MYLK3: variants seen among roughly 807,000 people sequenced by gnomAD.
MYLK3 encodes the protein myosin light chain kinase 3, also known as MLC kinase.
A neutral mutation model predicts 76.3 loss-of-function variants in MYLK3; 55 were observed. That is an observed-to-expected ratio of 0.72 (90% confidence interval 0.58 to 0.90). MYLK3 has a LOEUF of 0.90. Ranked by LOEUF, MYLK3 falls within the 40% of genes least tolerant of loss-of-function variation. The probability of loss-of-function intolerance (pLI) is 0.00; values close to 1 mark genes in which losing one functional copy is unlikely to be tolerated. For missense variants in MYLK3, 973 were observed against 1,053.6 expected, an observed-to-expected ratio of 0.92 and a Z score of 1.06; for synonymous variants, 416 against 425.4, an observed-to-expected ratio of 0.98 and a Z score of 0.27.
At chr16:46,708,858 C>G (rs1178211276) in intron 12 of MYLK3, among the ~76,000 whole-genome samples, 1 of 152,116 alleles carries the variant, frequency 6.6e-6, no homozygotes, top group Non-Finnish European at 1.5e-5. Flanking sequence ...GTTTAACAGG[C>G]CTTTCTTATC....
In MYLK3 at chr16:46,721,121, A is replaced by C; in HGVS notation, c.1985+2T>G. On this transcript the variant is annotated splice_donor_variant, in intron 9 of 12. Transcript: ENST00000394809. LOFTEE classifies it high-confidence loss of function. ...TAAGGTATCTAAATAAAACCCCCTT[A>C]CCTTCTGGCCAGCCCAAAGTCAATG... The C allele has an allele frequency of 6.2e-7, 1 of 1,613,918 alleles. No individual in the cohort carries two copies. Among genetic ancestry groups the C allele is most frequent in the Non-Finnish European group, 8.5e-7 (1 of 1,179,776 alleles).
rs188523384 is a variant in MYLK3, at chr16:46,728,995, G to A, written c.1772+29C>T. ...CCAGCACTGAGCCCTGGCTTGAGCC[G>A]AGGCGGCCGCCCCGCCTCTGATACT... On this transcript the variant is annotated intron_variant, in intron 7 of 12. Transcript: ENST00000394809. The A allele has an allele frequency of 1.1e-4, 167 of 1,561,450 alleles. 2 individuals carry two copies. Among genetic ancestry groups the A allele is most frequent in the South Asian group, 8.1e-4 (73 of 90,018 alleles).
chr16:46,754,423 T>C (rs1967171036), intron 1 of MYLK3, among the ~76,000 whole-genome samples: 1 of 152,160 alleles, frequency 6.6e-6, no homozygotes, highest in South Asian at 2.1e-4. Context: ...AGCAACTGGA[T>C]CACGAGGTCC....
Position 46,737,685 on chromosome 16 carries a change from A to G in MYLK3, c.1001+26T>C, listed in dbSNP as rs746863243. ...GGGGCCACAGTCCATCCCCTCCCTC[A>G]CCCAGCCTGGAAGAGCTCCCCTTAC... On this transcript the variant is annotated intron_variant, in intron 3 of 12. Coordinates refer to ENST00000394809, the MANE Select transcript of MYLK3 (RefSeq NM_182493.3). The G allele has an allele frequency of 1.8e-5, 28 of 1,569,706 alleles. No individual in the cohort carries two copies. The East Asian group carries it at 2.7e-4, about 15-fold the overall frequency.
chr16:46,725,435 C>T (rs1966839064), intron 8 of MYLK3, among the ~76,000 whole-genome samples: 1 of 152,192 alleles, frequency 6.6e-6, no homozygotes, highest in African/African-American at 2.4e-5. Flanking sequence ...TGGCCGTTAT[C>T]AGGTTGAGGA....
intron 8 of MYLK3, among the ~76,000 whole-genome samples, 189 bp from the exon 9 acceptor site, chr16:46,721,382 G>A (rs1304328519): frequency 1.3e-5 from 2 of 152,148 alleles, no homozygotes; most frequent in African/African-American, 4.8e-5. Context: ...GGTGTAGAGT[G>A]TGGGGAACTG....
At chr16:46,713,713 C>T (rs117560996) in intron 9 of MYLK3, among the ~76,000 whole-genome samples, 1,540 of 152,302 alleles carry the variant, frequency 0.01, 11 homozygotes, top group Non-Finnish European at 0.015. Context: ...AATATTGTAT[C>T]CTTTGGCAGA....
At chr16:46,736,006 G>A (rs1311015581) in intron 3 of MYLK3, among the ~76,000 whole-genome samples, 1 of 151,982 alleles carries the variant, frequency 6.6e-6, no homozygotes, top group Admixed American at 6.6e-5. Flanking sequence ...GGGTTTGTTT[G>A]TTGTTGTTGT....
chr16:46,758,220 TATACACACACACACTGCC>T (rs1306243662), intron 1 of MYLK3, among the ~76,000 whole-genome samples: 3 of 150,168 alleles, frequency 2.0e-5, no homozygotes, highest in Admixed American at 6.6e-5. Context: ...GAGACCAAGC[TATACACACACACACTGCC>T]ATACACACAC....
chr16:46,727,837 G>A (rs1179293283), intron 7 of MYLK3, among the ~76,000 whole-genome samples: 1 of 152,166 alleles, frequency 6.6e-6, no homozygotes, highest in East Asian at 1.9e-4. Flanking sequence ...TGCCATTGGG[G>A]TTTTATTGGG....
At position 46,732,550 on chromosome 16, in the gene MYLK3, C is replaced by T. The variant is rs776930306; in HGVS notation, c.1120G>A (p.Gly374Ser). The T allele has an allele frequency of 1.2e-6, 2 of 1,601,272 alleles. No individual in the cohort carries two copies. The highest frequency in any genetic ancestry group is 1.7e-5 in the Admixed American group (1 of 59,982). Residue 374 changes from glycine (G) to serine (S), a missense_variant, in exon 4 of 13, where the codon GGC (glycine) becomes AGC (serine). Gly to Ser is a moderately conservative substitution (Grantham distance 56). Around this residue, in one of 2 missense-constraint regions of MYLK3, gnomAD observed 641 missense variants for 637.0 expected, o/e 1.01. Transcript: ENST00000394809. ...AGGCAGCGCCCGGTCCCAGGTGGGC[C>T]CTGCTTGCCTGGCTGGGCAGCTGCT... ...APAAAQPGKQGPPGTGRCLQA... is the reference protein window; with the variant it reads ...APAAAQPGKQSPPGTGRCLQA...
At chr16:46,713,015 T>C (rs1966700190) in intron 9 of MYLK3, among the ~76,000 whole-genome samples, 1 of 152,102 alleles carries the variant, frequency 6.6e-6, no homozygotes, top group Admixed American at 6.6e-5. Flanking sequence ...CTCCAGGCAT[T>C]TGCTTCTTTC....
chr16:46,726,742 G>GAAA, intron 8 of MYLK3: 2 of 136,278 alleles, frequency 1.5e-5, no homozygotes, highest in African/African-American at 2.7e-5. Flanking sequence ...AGAAAAGAAA[G>GAAA]AGAGAGAGAA....
Position 46,729,023 on chromosome 16 carries a change from C to G in MYLK3, c.1772+1G>C. On this transcript the variant is annotated splice_donor_variant, in intron 7 of 12. Transcript: ENST00000394809. LOFTEE classifies it high-confidence loss of function. ...GCGGCCGCCCCGCCTCTGATACTCA[C>G]TACTCCATGACAAGGGTGCAGCTGT... The G allele has an allele frequency of 6.2e-7, 1 of 1,613,178 alleles. No homozygotes were observed. Among genetic ancestry groups the G allele is most frequent in the Non-Finnish European group, 8.5e-7 (1 of 1,179,108 alleles).
intron 4 of MYLK3, among the ~76,000 whole-genome samples, chr16:46,731,801 TC>T (rs1966853094): frequency 6.6e-6 from 1 of 151,996 alleles, no homozygotes; most frequent in Non-Finnish European, 1.5e-5. Flanking sequence ...GTAAGAAATC[TC>T]CCCAGTGGCC....
Position 46,706,113 on chromosome 16 carries a change from T to C in MYLK3, c.*1591A>G, listed in dbSNP as rs1966622293. The C allele has an allele frequency of 6.6e-6, 1 of 152,094 alleles. No homozygotes were observed. The allele number at this position is 152,094 out of a possible 1,614,324, so 9.4% of individuals were successfully genotyped here. A position where few individuals can be genotyped will look rare whatever the true frequency, so the allele number is the denominator to read the frequency against. On this transcript the variant is annotated 3_prime_UTR_variant, in exon 13 of 13. Transcript: ENST00000394809. ...GAACAATGTGAGGGTTAGGAGTGCC[T>C]ACCCCCTTGCAGTAGAAAATCTGAG... is the stretch of plus-strand genomic sequence containing the variant.
intron 3 of MYLK3, among the ~76,000 whole-genome samples, chr16:46,735,355 G>A (rs112216870): frequency 0.18 from 27,725 of 151,858 alleles, 2,929 homozygotes; most frequent in African/African-American, 0.28. Context: ...ACAGGCACCC[G>A]CCACCATGCC....
At chr16:46,718,321 T>C (rs1244820474) in intron 9 of MYLK3, among the ~76,000 whole-genome samples, 1 of 152,204 alleles carries the variant, frequency 6.6e-6, no homozygotes, top group Non-Finnish European at 1.5e-5. Flanking sequence ...ACATGATAGA[T>C]TGAATGTGAT....
chr16:46,721,238 G>C (rs1435631493), intron 8 of MYLK3, 45 bp from the exon 9 acceptor site: 2 of 1,567,362 alleles, frequency 1.3e-6, no homozygotes, highest in Non-Finnish European at 1.8e-6. Context: ...TAGCTGAGGA[G>C]GTCTGCAGCT....
Sources: gnomAD v4.1 joint callset for allele counts (sites outside exome capture counted in the v4.1 genomes callset) on GRCh38, gnomAD v4.1.1 for gene constraint, gnomAD v4.1.1 regional missense constraint, MANE v1.5 for transcripts, NCBI Gene and HGNC (gene_info 2026-07-23, HGNC 2026-07-21) for gene names.